ESD: variants seen among roughly 807,000 people sequenced by gnomAD.
ESD encodes esterase D.
Under a neutral mutation model 38.1 loss-of-function variants are expected in ESD, and 34 were observed. The observed-to-expected ratio is 0.89, with a 90% CI of 0.68 to 1.19. The LOEUF is 1.19. Among genes scored for constraint, ESD ranks in the 50% most tolerant of loss-of-function variants. ESD has a pLI of 0.00. For synonymous variants in ESD, 97 were observed against 107.0 expected (o/e 0.91, Z 0.58); for missense variants, 334 against 327.2 (o/e 1.02, Z -0.16).
intron 8 of ESD, 23 bp downstream of exon 8, chr13:46,779,912 T>C (rs897244715): frequency 4.5e-6 from 7 of 1,543,604 alleles, no homozygotes; most frequent in Middle Eastern, 1.7e-4. Context: ...GAATGAGTAT[T>C]AAGACAGCCA....
intron 7 of ESD, among the ~76,000 whole-genome samples, chr13:46,781,231 T>C (rs1874987199): frequency 6.6e-6 from 1 of 151,702 alleles, no homozygotes; most frequent in Admixed American, 6.6e-5. Flanking sequence ...ATAGTTGGAA[T>C]AAAAACAATT....
Position 46,796,962 on chromosome 13 carries a change from C to G in ESD, c.-56+143G>C, listed in dbSNP as rs561017683. 492 of 152,512 alleles carry G rather than the reference C, an allele frequency of 3.2e-3. 3 individuals are homozygous for G. The highest frequency in any genetic ancestry group is 0.011 in the African/African-American group (477 of 41,584). The allele number at this position is 152,512 out of a possible 1,614,324, so 9.4% of individuals were successfully genotyped here. On this transcript the variant is annotated intron_variant, in intron 1 of 9. Coordinates refer to ENST00000378720, the MANE Select transcript of ESD (RefSeq NM_001984.2). ...GCCTCCTGTCATGGATGGTGGCGCC[C>G]AAGGCCCAGGGTCGCCGTCTCTGCG... is the stretch of plus-strand genomic sequence containing the variant.
Position 46,781,528 on chromosome 13 carries a change from T to G in ESD, c.469A>C (p.Ile157Leu). The change falls in exon 7 of 10, where the codon ATC becomes CTC. Residue 157 changes from isoleucine to leucine, a missense_variant. Physicochemically the swap from Ile to Leu is conservative, Grantham distance 5. Transcript: ENST00000378720. Reference sequence around the variant, plus strand: ...TTTCCAGGATTTTTCAAAGCACAGATCAGAGCTCCATGACCTCCCATGGAG... The same window carrying G: ...TTTCCAGGATTTTTCAAAGCACAGAGCAGAGCTCCATGACCTCCCATGGAG... ...GHSMGGHGAL[I>L]CALKNPGKYK... 6.2e-7 allele frequency: 1 copy of G among 1,608,276 alleles called. No individual in the cohort carries two copies.
intron 7 of ESD, 66 bp downstream of exon 7, chr13:46,781,430 T>C (rs945942729): frequency 6.4e-6 from 9 of 1,415,544 alleles, no homozygotes; most frequent in Non-Finnish European, 8.7e-6. Flanking sequence ...ATTTTACTCT[T>C]TGAAGGTTCC....
intron 2 of ESD, 38 bp downstream of exon 2, chr13:46,793,359 A>G (rs1032245017): frequency 1.3e-5 from 2 of 152,606 alleles, no homozygotes; most frequent in African/African-American, 4.8e-5. Flanking sequence ...TTTTCATTCA[A>G]TGTTCAGAGT....
chr13:46,787,684 C>G (rs1038236283), intron 3 of ESD, among the ~76,000 whole-genome samples: 3 of 151,884 alleles, frequency 2.0e-5, no homozygotes, highest in African/African-American at 7.2e-5. Context: ...GAAGTAAACT[C>G]TTACTACTTC....
chr13:46,796,841 G>A (rs1875599616), intron 1 of ESD, among the ~76,000 whole-genome samples: 1 of 152,262 alleles, frequency 6.6e-6, no homozygotes, highest in Admixed American at 6.5e-5. Flanking sequence ...CGGGCAGTAG[G>A]TAAACGGGCG....
In ESD at chr13:46,771,334, A is replaced by ATTT. The variant is rs199682790; in HGVS notation, c.*79_*81dup. The ATTT allele has an allele frequency of 3.0e-4, 210 of 708,868 alleles. 2 individuals carry two copies. Among genetic ancestry groups the ATTT allele is most frequent in the African/African-American group, 2.1e-3 (110 of 52,106 alleles). 43.9% of individuals were successfully genotyped at this position (708,868 alleles called of 1,614,324 possible). A position where few individuals can be genotyped will look rare whatever the true frequency, so the allele number is the denominator to read the frequency against. Reference sequence around the variant, plus strand: ...AGCACTATAAAATCCAATGTTTTGAATTTTTTTTTTTTTTGCTCAGCAATA... The same window carrying ATTT: ...AGCACTATAAAATCCAATGTTTTGAATTTTTTTTTTTTTTTTTGCTCAGCAATA... On this transcript the variant is annotated 3_prime_UTR_variant, in exon 10 of 10. Coordinates refer to ENST00000378720, the MANE Select transcript of ESD (RefSeq NM_001984.2).
Position 46,782,720 on chromosome 13 carries a change from T to C in ESD, c.328A>G (p.Thr110Ala). ...GTGAGFYVDA[T>A]EDPWKTNYRM... Reference sequence around the variant, plus strand: ...TAGTTGGTTTTCCAAGGATCTTCAGTGGCATCAACATAAAATCCAGCACCA... The same window carrying C: ...TAGTTGGTTTTCCAAGGATCTTCAGCGGCATCAACATAAAATCCAGCACCA... The change falls in exon 6 of 10, where the codon ACT (threonine) becomes GCT (alanine). Residue 110 changes from threonine (T) to alanine (A), a missense_variant. Thr to Ala is a moderately conservative substitution (Grantham distance 58). Transcript: ENST00000378720. 1.2e-6 allele frequency: 2 copies of C among 1,612,388 alleles called. No homozygotes were observed. Among genetic ancestry groups the C allele is most frequent in the Non-Finnish European group, 1.7e-6 (2 of 1,178,848 alleles).
intron 8 of ESD, among the ~76,000 whole-genome samples, chr13:46,779,169 C>A (rs922282856): frequency 6.6e-6 from 1 of 151,666 alleles, no homozygotes; most frequent in African/African-American, 2.4e-5. Context: ...TGTTTGCATG[C>A]TTGAAAAAGC....
At chr13:46,789,133 G>A (rs1875301672) in intron 3 of ESD, among the ~76,000 whole-genome samples, 1 of 152,040 alleles carries the variant, frequency 6.6e-6, no homozygotes, top group Admixed American at 6.6e-5. Flanking sequence ...CTTTCTAGTT[G>A]CTGCCTTAAT....
intron 3 of ESD, among the ~76,000 whole-genome samples, chr13:46,788,684 A>C (rs912366114): frequency 6.6e-6 from 1 of 151,806 alleles, no homozygotes; most frequent in Non-Finnish European, 1.5e-5. Flanking sequence ...AAAAAAAAAA[A>C]AAAAAAACAC....
chr13:46,776,607 A>G (rs574759954), intron 9 of ESD: 2 of 152,236 alleles, frequency 1.3e-5, no homozygotes, highest in East Asian at 1.9e-4. Context: ...ATTTGGCGGT[A>G]TAAGAATTAA....
chr13:46,784,184 C>A, intron 5 of ESD, 68 bp downstream of exon 5: 1 of 1,233,678 alleles, frequency 8.1e-7, no homozygotes, highest in Admixed American at 2.0e-5. Context: ...ATGTATATAT[C>A]ATACCACTTT....
At chr13:46,792,163 T>C (rs1566284610) in intron 2 of ESD, among the ~76,000 whole-genome samples, 1 of 152,098 alleles carries the variant, frequency 6.6e-6, no homozygotes, top group African/African-American at 2.4e-5. Context: ...ACTATCTTTA[T>C]CATAAATGCC....
chr13:46,780,001 A>G lies in ESD; in HGVS notation c.534T>C (p.Pro178=), dbSNP rs193052575. 205 of 1,602,512 alleles carry G rather than the reference A, an allele frequency of 1.3e-4. No homozygotes were observed. The Admixed American group carries it at 3.4e-3, about 26-fold the overall frequency. ...SVSAFAPICN[P]VLCPWGKKAF... ...CTTTTTTGCCCCAGGGACAGAGTAC[A>G]GGGTTGCAAATTGGAGCAAATGCTG... Residue 178 remains proline (P), a synonymous_variant, in exon 8 of 10, where the codon CCT becomes CCC. Coordinates refer to ENST00000378720, the MANE Select transcript of ESD (RefSeq NM_001984.2).
intron 3 of ESD, among the ~76,000 whole-genome samples, chr13:46,789,505 T>C (rs1329346281): frequency 6.6e-6 from 1 of 152,336 alleles, no homozygotes; most frequent in East Asian, 1.9e-4. Flanking sequence ...TCTAAAACTT[T>C]ACTATGTTGT....
intron 3 of ESD, among the ~76,000 whole-genome samples, chr13:46,789,381 C>A (rs992759910): frequency 5.3e-5 from 8 of 152,224 alleles, no homozygotes; most frequent in Non-Finnish European, 1.0e-4. Context: ...GAAAGCACTG[C>A]TGCTCTGCCT....
intron 2 of ESD, among the ~76,000 whole-genome samples, chr13:46,791,792 A>T (rs1875411578): frequency 6.6e-6 from 1 of 152,060 alleles, no homozygotes; most frequent in African/African-American, 2.4e-5. Flanking sequence ...AACTGCAACA[A>T]AGTAGTCAAG....
Sources: gnomAD v4.1 joint callset for allele counts (sites outside exome capture counted in the v4.1 genomes callset) on GRCh38, gnomAD v4.1.1 for gene constraint, MANE v1.5 for transcripts, NCBI Gene and HGNC (gene_info 2026-07-23, HGNC 2026-07-21) for gene names.